The following SLIT2 variants were observed in gnomAD, a reference collection of about 807,000 sequenced individuals.
The protein encoded by SLIT2 is slit homolog 2 protein.
SLIT2 carries 41 observed loss-of-function variants against 185.7 expected under a neutral mutation model. The ratio of observed to expected loss-of-function variants is 0.22; its 90% CI spans 0.17 to 0.29. The LOEUF is 0.29. SLIT2 is among the 10% of genes least tolerant of loss of function. The pLI is 1.00. For synonymous variants in SLIT2, 693 were observed against 680.2 expected, an observed-to-expected ratio of 1.02 and a Z score of -0.29; for missense variants, 1,571 against 1,909.0, an observed-to-expected ratio of 0.82 and a Z score of 3.30.
At chr4:20,426,807 G>A (rs962474613) in intron 4 of SLIT2, among the ~76,000 whole-genome samples, 3 of 152,120 alleles carry the variant, frequency 2.0e-5, no homozygotes, top group African/African-American at 7.2e-5. Context: ...ATATGGGCTG[G>A]GCTTATATTC....
intron 2 of SLIT2, among the ~76,000 whole-genome samples, chr4:20,257,261 A>C (rs1259234942): frequency 6.6e-6 from 1 of 152,080 alleles, no homozygotes; most frequent in Non-Finnish European, 1.5e-5. Flanking sequence ...TAGCTTCTAT[A>C]AAATTGTTGC....
chr4:20,569,275 C>A (rs1298169414), intron 29 of SLIT2: 6 of 384,296 alleles, frequency 1.6e-5, no homozygotes, highest in Non-Finnish European at 2.4e-5. Flanking sequence ...GCTTTTAGTC[C>A]CACAATTAAA....
chr4:20,348,698 C>T (rs181503950), intron 4 of SLIT2, among the ~76,000 whole-genome samples: 1 of 152,286 alleles, frequency 6.6e-6, no homozygotes, highest in East Asian at 1.9e-4. Context: ...TCCCAGGTGA[C>T]TGGAATATAA....
chr4:20,438,703 C>G (rs1729531240), intron 4 of SLIT2, among the ~76,000 whole-genome samples: 1 of 152,182 alleles, frequency 6.6e-6, no homozygotes, highest in Non-Finnish European at 1.5e-5. Flanking sequence ...TGTTAACTCT[C>G]TGATCTCTCT....
intron 4 of SLIT2, among the ~76,000 whole-genome samples, chr4:20,313,156 C>A (rs1317695310): frequency 6.6e-6 from 1 of 152,130 alleles, no homozygotes; most frequent in Admixed American, 6.6e-5. Flanking sequence ...AAAGAAATAC[C>A]TGAGACTTGG....
At position 20,610,005 on chromosome 4, in the gene SLIT2, C is replaced by G; in HGVS notation, c.3693-8C>G. ...TGGAAGAATCAGCCATTTTTTTTTC[C>G]GTTGTAGTGTGGAGACAATCAATGA... On this transcript the variant is annotated splice_region_variant and splice_polypyrimidine_tract_variant and intron_variant, in intron 33 of 36. Transcript: ENST00000504154. 1 of 1,581,678 alleles carries G rather than the reference C, an allele frequency of 6.3e-7. No homozygotes were observed.
chr4:20,301,488 G>A (rs894994693), intron 4 of SLIT2, among the ~76,000 whole-genome samples: 8 of 151,880 alleles, frequency 5.3e-5, no homozygotes, highest in Non-Finnish European at 2.9e-5. Context: ...GCATTAACGG[G>A]GCATACTAAC....
intron 4 of SLIT2, among the ~76,000 whole-genome samples, chr4:20,397,145 G>A (rs1371609557): frequency 6.6e-6 from 1 of 151,620 alleles, no homozygotes; most frequent in Non-Finnish European, 1.5e-5. Flanking sequence ...CTTGTTTCAT[G>A]CTAGTGGGAG....
chr4:20,353,440 G>C (rs1351045041), intron 4 of SLIT2, among the ~76,000 whole-genome samples: 2 of 152,012 alleles, frequency 1.3e-5, no homozygotes, highest in African/African-American at 2.4e-5. Flanking sequence ...GCTTTTTGCT[G>C]TATCCAGACA....
intron 11 of SLIT2, among the ~76,000 whole-genome samples, chr4:20,514,402 A>G (rs1289054158): frequency 1.3e-5 from 2 of 152,132 alleles, no homozygotes; most frequent in East Asian, 1.9e-4. Flanking sequence ...GCACTTTGGG[A>G]GGCCTAGGCA....
intron 4 of SLIT2, among the ~76,000 whole-genome samples, chr4:20,463,479 A>G (rs978054436): frequency 4.5e-5 from 4 of 88,736 alleles, no homozygotes; most frequent in Non-Finnish European, 8.7e-5. Flanking sequence ...ATATATATAT[A>G]TATATATATA....
At chr4:20,270,854 T>G (rs1011722869) in intron 4 of SLIT2, among the ~76,000 whole-genome samples, 16 of 152,046 alleles carry the variant, frequency 1.1e-4, no homozygotes, top group Non-Finnish European at 2.1e-4. Context: ...ACGTCAGGAA[T>G]CTTAATTTGA....
intron 29 of SLIT2, among the ~76,000 whole-genome samples, chr4:20,587,797 T>C (rs1240593801): frequency 6.6e-6 from 1 of 152,208 alleles, no homozygotes; most frequent in Non-Finnish European, 1.5e-5. Context: ...GACTGTGACT[T>C]AGATTGGATG....
At chr4:20,549,652 A>T (rs1723562494) in intron 24 of SLIT2, among the ~76,000 whole-genome samples, 1 of 151,926 alleles carries the variant, frequency 6.6e-6, no homozygotes, top group South Asian at 2.1e-4. Context: ...TTTAAAAGCC[A>T]CAGATATTAA....
chr4:20,453,328 G>A (rs1712685682), intron 4 of SLIT2, among the ~76,000 whole-genome samples: 1 of 152,080 alleles, frequency 6.6e-6, no homozygotes, highest in African/African-American at 2.4e-5. Context: ...ATGTTTAACT[G>A]TGAAAAAGCG....
At chr4:20,606,137 C>A (rs1212332536) in intron 33 of SLIT2, among the ~76,000 whole-genome samples, 2 of 152,126 alleles carry the variant, frequency 1.3e-5, no homozygotes, top group East Asian at 3.9e-4. Context: ...GCAAGAAATA[C>A]CAAGTTAGAA....
At position 20,396,979 on chromosome 4, in the gene SLIT2, A is replaced by G. The variant is rs1418136393; in HGVS notation, c.396-70773A>G. Among the ~76,000 whole-genome samples the G allele has an allele frequency of 5.3e-5, 8 of 151,392 alleles. No homozygotes were observed. The Admixed American group carries it at 5.3e-4, about 10-fold the overall frequency. On this transcript the variant is annotated intron_variant, in intron 4 of 36. Transcript: ENST00000504154. ...ATTCAATCAAAATATGGAATATTAAATGATTAATTTACGCATATATTTCCA... is the reference window on the plus strand; with the variant it reads ...ATTCAATCAAAATATGGAATATTAAGTGATTAATTTACGCATATATTTCCA...
chr4:20,524,931 A>G (rs1327635869), intron 14 of SLIT2, among the ~76,000 whole-genome samples: 1 of 152,204 alleles, frequency 6.6e-6, no homozygotes, highest in Non-Finnish European at 1.5e-5. Context: ...AGTTAATTTC[A>G]TACTAAAAAG....
Position 20,598,354 on chromosome 4 carries a change from C to T in SLIT2, c.3651C>T (p.Ala1217=). The T allele has an allele frequency of 6.2e-7, 1 of 1,614,084 alleles. No individual in the cohort carries two copies. The highest frequency in any genetic ancestry group is 8.5e-7 in the Non-Finnish European group (1 of 1,179,980). The change falls in exon 33 of 37, where the codon GCC becomes GCT. Residue 1217 remains alanine (A), a synonymous_variant. Transcript: ENST00000504154. ...AACTCTATCGGGGGCGTGTTCGTGC[C>T]AGCTATGACACCGGCTCTCATCCAG... ...AVELYRGRVR[A]SYDTGSHPAS...
Sources: gnomAD v4.1 joint callset for allele counts (sites outside exome capture counted in the v4.1 genomes callset) on GRCh38, gnomAD v4.1.1 for gene constraint, MANE v1.5 for transcripts, NCBI Gene and HGNC (gene_info 2026-07-23, HGNC 2026-07-21) for gene names.